Variants in ZNF423 observed in about 807,000 individuals in gnomAD.
ZNF423 encodes the protein Ebf-associated zinc finger protein.
In ZNF423, 12 loss-of-function variants were observed where a neutral mutation model predicts 95.8. The observed-to-expected ratio is 0.13, with a 90% CI of 0.08 to 0.20. ZNF423 has a LOEUF of 0.20. ZNF423 is among the 10% of genes least tolerant of loss of function. The pLI is 1.00. For synonymous variants in ZNF423, 749 were observed against 711.9 expected (o/e 1.05, Z -0.83); for missense variants, 1,316 against 1,737.1 (o/e 0.76, Z 4.31).
intron 4 of ZNF423, among the ~76,000 whole-genome samples, chr16:49,634,500 T>A (rs570613027): frequency 6.6e-6 from 1 of 151,910 alleles, no homozygotes; most frequent in Admixed American, 6.6e-5. Flanking sequence ...CTCCCTTTAC[T>A]CTCTCTGGCC....
intron 2 of ZNF423, among the ~76,000 whole-genome samples, chr16:49,740,669 G>A (rs545197561): frequency 6.6e-6 from 1 of 152,322 alleles, no homozygotes; most frequent in South Asian, 2.1e-4. Flanking sequence ...GGTGCCTGTG[G>A]CTCTGTGGAT....
intron 5 of ZNF423, among the ~76,000 whole-genome samples, chr16:49,586,581 C>T (rs935468679): frequency 3.9e-5 from 6 of 152,242 alleles, no homozygotes; most frequent in African/African-American, 7.2e-5. Context: ...ACCTGGTCCC[C>T]GCCAGTGTGC....
At chr16:49,689,765 T>C (rs1274097333) in intron 3 of ZNF423, among the ~76,000 whole-genome samples, 1 of 152,144 alleles carries the variant, frequency 6.6e-6, no homozygotes, top group Non-Finnish European at 1.5e-5. Context: ...AGGTGGTACC[T>C]GAGGAGGCAT....
chr16:49,816,081 G>A (rs1360880204), intron 1 of ZNF423, among the ~76,000 whole-genome samples: 1 of 151,194 alleles, frequency 6.6e-6, no homozygotes, highest in Non-Finnish European at 1.5e-5. Context: ...ACTACGCCGG[G>A]CTAATTTTTG....
chr16:49,650,789 TG>T (rs1243310568), intron 3 of ZNF423, among the ~76,000 whole-genome samples: 5 of 152,194 alleles, frequency 3.3e-5, no homozygotes, highest in African/African-American at 1.2e-4. Context: ...ACAAAGTGAC[TG>T]GAAGAGCTAG....
chr16:49,826,520 T>C (rs2035006797), intron 1 of ZNF423, among the ~76,000 whole-genome samples: 1 of 152,206 alleles, frequency 6.6e-6, no homozygotes, highest in Admixed American at 6.5e-5. Flanking sequence ...CCTGTGTGAT[T>C]GGGGAAGGTC....
intron 1 of ZNF423, among the ~76,000 whole-genome samples, chr16:49,793,832 G>A (rs138876496): frequency 1.3e-5 from 2 of 152,290 alleles, no homozygotes; most frequent in Non-Finnish European, 2.9e-5. Flanking sequence ...CAGGGAGGGG[G>A]CACATGGCAG....
chr16:49,634,604 C>G (rs1190119078), intron 4 of ZNF423, among the ~76,000 whole-genome samples: 1 of 152,194 alleles, frequency 6.6e-6, no homozygotes, highest in Non-Finnish European at 1.5e-5. Context: ...CCAGCCGGTG[C>G]CTATGGCAGA....
chr16:49,600,437 G>A (rs1288476715), intron 5 of ZNF423, among the ~76,000 whole-genome samples: 1 of 152,086 alleles, frequency 6.6e-6, no homozygotes, highest in African/African-American at 2.4e-5. Flanking sequence ...CGATGAATTC[G>A]TGCAGCCCTG....
intron 5 of ZNF423, among the ~76,000 whole-genome samples, chr16:49,535,089 C>G (rs1406743405): frequency 6.6e-6 from 1 of 152,224 alleles, no homozygotes; most frequent in African/African-American, 2.4e-5. Context: ...CCCCCAACCC[C>G]TTGGCCCTTG....
At chr16:49,602,724 G>A (rs1971415596) in intron 5 of ZNF423, among the ~76,000 whole-genome samples, 1 of 152,134 alleles carries the variant, frequency 6.6e-6, no homozygotes, top group South Asian at 2.1e-4. Flanking sequence ...TCAAAACCAG[G>A]TCAGAGAAAA....
rs111572698 is a variant in ZNF423, at chr16:49,497,463, T to G, written c.3850-6159A>C. Among the ~76,000 whole-genome samples, 98 of 152,320 alleles carry G rather than the reference T, an allele frequency of 6.4e-4. 1 individual carries two copies. Among genetic ancestry groups the G allele is most frequent in the African/African-American group, 2.3e-3 (95 of 41,568 alleles). ...TCTTCTCTGGAGACTAGGCCGTGGTTCTGGCCCTTGAGTCTTTGAGTCCCT... is the reference window on the plus strand; with the variant it reads ...TCTTCTCTGGAGACTAGGCCGTGGTGCTGGCCCTTGAGTCTTTGAGTCCCT... On this transcript the variant is annotated intron_variant, in intron 7 of 7. Coordinates refer to ENST00000563137, the MANE Select transcript of ZNF423 (RefSeq NM_001379286.1).
intron 5 of ZNF423, among the ~76,000 whole-genome samples, chr16:49,548,645 C>A (rs1017178888): frequency 6.6e-6 from 1 of 152,174 alleles, no homozygotes; most frequent in African/African-American, 2.4e-5. Context: ...ACGGGGAAGG[C>A]GGAGCAGAGA....
Position 49,805,084 on chromosome 16 carries a change from G to T in ZNF423, c.41-15538C>A, listed in dbSNP as rs2034641307. On this transcript the variant is annotated intron_variant, in intron 1 of 7. Transcript: ENST00000563137. ...CCAGCTAATTTTTGTATATTTAGTA[G>T]AGATGGGGTTTCACTATGCTGGCCA... Among the ~76,000 whole-genome samples, 3 of 152,044 alleles carry T rather than the reference G, an allele frequency of 2.0e-5. No homozygotes were observed. In the South Asian group the frequency reaches 6.3e-4, roughly 32 times the overall value.
chr16:49,575,194 G>A (rs565599876), intron 5 of ZNF423, among the ~76,000 whole-genome samples: 1 of 152,112 alleles, frequency 6.6e-6, no homozygotes, highest in Non-Finnish European at 1.5e-5. Context: ...GAGAACTTAG[G>A]CAATTCATTT....
upstream of ZNF423, among the ~76,000 whole-genome samples, chr16:49,858,494 G>C (rs753288527): frequency 3.9e-5 from 6 of 151,940 alleles, no homozygotes; most frequent in Non-Finnish European, 7.4e-5. This position sits in a 1 kb window ranked among gnomAD's most constrained non-coding sequence, Gnocchi z 4.3. Flanking sequence ...GTAGAGTCGG[G>C]TGACGGGCTA....
At position 49,492,472 on chromosome 16, in the gene ZNF423, AGGCCGGGGCCGG is replaced by A. The variant is rs796834568; in HGVS notation, c.3850-1180_3850-1169del. Among the ~76,000 whole-genome samples the A allele has an allele frequency of 0.023, 3,482 of 152,078 alleles. 92 individuals carry two copies. The highest frequency in any genetic ancestry group is 0.067 in the East Asian group (347 of 5,142). ...TGCCAGTAGCCTCGCCCGGAGGCCG[AGGCCGGGGCCGG>A]GGCCGGGGCCGGGGCCGAGACGGGC... On this transcript the variant is annotated intron_variant, in intron 7 of 7. Transcript: ENST00000563137. The surrounding 1 kb of genome is among the most constrained non-coding windows in gnomAD (Gnocchi z 4.2).
intron 1 of ZNF423, among the ~76,000 whole-genome samples, chr16:49,837,996 C>G (rs904299596): frequency 1.3e-5 from 2 of 152,220 alleles, no homozygotes; most frequent in African/African-American, 4.8e-5. Context: ...GCCGTAAGCT[C>G]CCTGAAGGCA....
intron 3 of ZNF423, among the ~76,000 whole-genome samples, chr16:49,672,114 C>T (rs1347919939): frequency 1.3e-5 from 2 of 152,152 alleles, no homozygotes; most frequent in African/African-American, 4.8e-5. Flanking sequence ...GGGAACACTC[C>T]AGCAGCAGTC....
Sources: gnomAD v4.1 joint callset for allele counts (sites outside exome capture counted in the v4.1 genomes callset) on GRCh38, gnomAD v4.1.1 for gene constraint, Gnocchi (gnomAD v3.1) non-coding constraint, MANE v1.5 for transcripts, NCBI Gene and HGNC (gene_info 2026-07-23, HGNC 2026-07-21) for gene names.